The following SNX24 variants were observed in gnomAD, a reference collection of about 807,000 sequenced individuals.
SNX24 encodes the protein sorting nexin-24.
In SNX24, 22 loss-of-function variants were observed where a neutral mutation model predicts 28.7. That is an observed-to-expected ratio of 0.77 (90% CI 0.55 to 1.10). SNX24 has a LOEUF of 1.10. Among genes scored for constraint, SNX24 ranks in the 50% least tolerant of loss-of-function variants. The pLI, the probability that SNX24 is intolerant of heterozygous loss-of-function variation, is 0.00. For missense variants in SNX24, 221 were observed against 201.1 expected, an observed-to-expected ratio of 1.10 and a Z score of -0.60; for synonymous variants, 69 against 71.5, an observed-to-expected ratio of 0.96 and a Z score of 0.18.
chr5:122,947,502 C>CT (rs1759741070), intron 3 of SNX24, among the ~76,000 whole-genome samples: 2 of 152,256 alleles, frequency 1.3e-5, no homozygotes, highest in South Asian at 4.1e-4. Context: ...GGCAGGCTCT[C>CT]TTTACTGTTT....
At chr5:122,924,427 A>G (rs573227709) in intron 1 of SNX24, among the ~76,000 whole-genome samples, 1 of 152,250 alleles carries the variant, frequency 6.6e-6, no homozygotes, top group South Asian at 2.1e-4. Flanking sequence ...AGACATCGTA[A>G]AGCTGCCAGA....
intron 2 of SNX24, 81 bp from the exon 3 acceptor site, chr5:122,945,974 T>C: frequency 1.4e-6 from 1 of 702,196 alleles, no homozygotes; most frequent in South Asian, 2.4e-5. Context: ...TATTGGCCTT[T>C]TTTCCCCAAA....
chr5:122,987,353 T>C (rs1353953044), intron 3 of SNX24, among the ~76,000 whole-genome samples: 2 of 151,368 alleles, frequency 1.3e-5, no homozygotes, highest in Admixed American at 6.6e-5. Context: ...GATCAGAAAC[T>C]CTCTGGGTTG....
chr5:122,863,735 T>G (rs564081291), intron 1 of SNX24, among the ~76,000 whole-genome samples: 72 of 152,240 alleles, frequency 4.7e-4, no homozygotes, highest in African/African-American at 1.4e-3. Context: ...TTTTATTTTT[T>G]GTAGAGGTGG....
intron 3 of SNX24, among the ~76,000 whole-genome samples, chr5:122,969,385 C>G (rs1760855941): frequency 6.6e-6 from 1 of 152,044 alleles, no homozygotes; most frequent in African/African-American, 2.4e-5. Context: ...AAAACATTTC[C>G]TGGTTTTGCC....
chr5:122,971,772 C>A (rs750741587), intron 3 of SNX24, among the ~76,000 whole-genome samples: 1 of 152,202 alleles, frequency 6.6e-6, no homozygotes, highest in Admixed American at 6.5e-5. Context: ...AGTCCTCATT[C>A]ATGCAACTGG....
intron 5 of SNX24, among the ~76,000 whole-genome samples, chr5:123,024,992 T>A (rs977435112): frequency 3.3e-5 from 5 of 152,224 alleles, no homozygotes; most frequent in African/African-American, 1.2e-4. Flanking sequence ...ATTGGACTGC[T>A]TTGACATTCT....
chr5:122,971,891 GT>G (rs1760975384), intron 3 of SNX24, among the ~76,000 whole-genome samples: 2 of 152,140 alleles, frequency 1.3e-5, no homozygotes, highest in South Asian at 4.2e-4. Flanking sequence ...ACCTGACCTG[GT>G]GGAGTGATCC....
intron 5 of SNX24, among the ~76,000 whole-genome samples, chr5:123,017,221 T>G (rs999315207): frequency 2.6e-5 from 4 of 151,952 alleles, no homozygotes; most frequent in Non-Finnish European, 5.9e-5. Context: ...GGATTCGAAT[T>G]TAATGGTTTG....
intron 1 of SNX24, among the ~76,000 whole-genome samples, chr5:122,921,650 C>T (rs940611238): frequency 1.3e-5 from 2 of 152,142 alleles, no homozygotes; most frequent in African/African-American, 4.8e-5. Flanking sequence ...TTTATTCTTC[C>T]TACATTGGTA....
At chr5:122,941,187 C>T (rs945072808) in intron 2 of SNX24, among the ~76,000 whole-genome samples, 3 of 152,180 alleles carry the variant, frequency 2.0e-5, no homozygotes, top group African/African-American at 4.8e-5. Flanking sequence ...GGATAACCCC[C>T]CTTTTCAGAA....
chr5:122,916,472 T>C (rs1758170942), intron 1 of SNX24, among the ~76,000 whole-genome samples: 1 of 148,076 alleles, frequency 6.8e-6, no homozygotes, highest in South Asian at 2.2e-4. Flanking sequence ...TTAAAGTGAC[T>C]ATTTTGGATT....
intron 3 of SNX24, among the ~76,000 whole-genome samples, chr5:122,979,337 C>G (rs1761297467): frequency 6.6e-6 from 1 of 152,188 alleles, no homozygotes; most frequent in African/African-American, 2.4e-5. Context: ...GTTCTGCGGC[C>G]CGAAGCAGAT....
chr5:122,960,197 A>G (rs1261894954), intron 3 of SNX24, among the ~76,000 whole-genome samples: 1 of 152,184 alleles, frequency 6.6e-6, no homozygotes, highest in Non-Finnish European at 1.5e-5. Flanking sequence ...CTATTGCTTC[A>G]TGAAAATGTT....
At chr5:122,999,864 C>A in intron 3 of SNX24, 48 bp from the exon 4 acceptor site, 1 of 1,078,208 alleles carries the variant, frequency 9.3e-7, no homozygotes, top group Non-Finnish European at 1.4e-6. Context: ...TGATTGATCA[C>A]CTAGCAAACT....
At chr5:122,905,739 T>C (rs1208033548) in intron 1 of SNX24, among the ~76,000 whole-genome samples, 1 of 152,232 alleles carries the variant, frequency 6.6e-6, no homozygotes. Flanking sequence ...CCAACTCAGA[T>C]ATAACTTCCA....
intron 1 of SNX24, among the ~76,000 whole-genome samples, chr5:122,847,771 G>A (rs527847083): frequency 6.6e-6 from 1 of 152,242 alleles, no homozygotes; most frequent in South Asian, 2.1e-4. Flanking sequence ...TGGGATAACA[G>A]GCATGAGCCA....
chr5:122,995,958 G>A (rs1275889733), intron 3 of SNX24, among the ~76,000 whole-genome samples: 1 of 152,142 alleles, frequency 6.6e-6, no homozygotes, highest in African/African-American at 2.4e-5. Context: ...CGATAGAGTG[G>A]AAAATCATAC....
intron 3 of SNX24, among the ~76,000 whole-genome samples, chr5:122,950,288 T>A (rs1759883103): frequency 6.6e-6 from 1 of 152,198 alleles, no homozygotes. Context: ...AAGTTAATAT[T>A]TGATATTAAT....
Sources: gnomAD v4.1 joint callset for allele counts (sites outside exome capture counted in the v4.1 genomes callset) on GRCh38, gnomAD v4.1.1 for gene constraint, MANE v1.5 for transcripts, NCBI Gene and HGNC (gene_info 2026-07-23, HGNC 2026-07-21) for gene names.